The following CSTL1 variants were observed in gnomAD, a reference collection of about 807,000 sequenced individuals.
The protein encoded by CSTL1 is cystatin-like 1.
Under a neutral mutation model 14.4 loss-of-function variants are expected in CSTL1, and 14 were observed. The observed-to-expected ratio is 0.97, with a 90% CI of 0.64 to 1.52. CSTL1 has a LOEUF of 1.52. CSTL1 is among the 40% of genes most tolerant of loss of function. The probability of loss-of-function intolerance (pLI) is 0.00; values close to 1 mark genes in which losing one functional copy is unlikely to be tolerated. For synonymous variants in CSTL1, 72 were observed against 67.5 expected, an observed-to-expected ratio of 1.07 and a Z score of -0.33; for missense variants, 170 against 168.7, an observed-to-expected ratio of 1.01 and a Z score of -0.04.
At chr20:23,447,257 A>G (rs1438970563), downstream of CSTL1, among the ~76,000 whole-genome samples, 1 of 152,172 alleles carries the variant, frequency 6.6e-6, no homozygotes, top group Non-Finnish European at 1.5e-5. Context: ...TGGCTTCTTG[A>G]ATTCAATACA....
the CSTL1 span, chr20:23,459,016 G>T: frequency 1.3e-5 from 2 of 152,238 alleles, no homozygotes; most frequent in Admixed American, 1.3e-4. Flanking sequence ...GTCTTGGTAG[G>T]GGATTCCCCT....
downstream of CSTL1, among the ~76,000 whole-genome samples, chr20:23,449,000 C>A (rs769969768): frequency 6.6e-6 from 1 of 152,134 alleles, no homozygotes; most frequent in East Asian, 1.9e-4. Flanking sequence ...ACCTGGGCCC[C>A]GCTGAAACAG....
the CSTL1 span, among the ~76,000 whole-genome samples, chr20:23,450,026 C>G: frequency 1.3e-5 from 2 of 152,148 alleles, no homozygotes; most frequent in South Asian, 4.1e-4. Flanking sequence ...TTTCTTAGTT[C>G]TTTGGTGATT....
the CSTL1 span, among the ~76,000 whole-genome samples, chr20:23,453,875 CCCG>C: frequency 6.6e-6 from 1 of 152,036 alleles, no homozygotes. Context: ...CACATTCACA[CCCG>C]AACACACGGA....
downstream of CSTL1, chr20:23,444,996 A>C: frequency 1.4e-6 from 1 of 721,660 alleles, no homozygotes; most frequent in Non-Finnish European, 2.5e-6. Flanking sequence ...GTGTACACGT[A>C]CACACACTTG....
the CSTL1 span, chr20:23,450,312 C>T: frequency 2.2e-6 from 1 of 447,988 alleles, no homozygotes; most frequent in Non-Finnish European, 4.0e-6. Flanking sequence ...TTTGGACCCC[C>T]AAACTGCCCT....
intron 2 of CSTL1, among the ~76,000 whole-genome samples, chr20:23,443,567 G>A (rs951264322): frequency 6.6e-6 from 1 of 152,030 alleles, no homozygotes; most frequent in Non-Finnish European, 1.5e-5. Flanking sequence ...AGAAGGGACT[G>A]GGGGGGTGGG....
At chr20:23,443,641 TG>T (rs1986890208) in intron 2 of CSTL1, among the ~76,000 whole-genome samples, 1 of 152,152 alleles carries the variant, frequency 6.6e-6, no homozygotes, top group African/African-American at 2.4e-5. Context: ...TGGCCTGTGG[TG>T]GCCAGGCAAC....
At chr20:23,452,468 G>C in the CSTL1 span, 2 of 729,218 alleles carry the variant, frequency 2.7e-6, no homozygotes, top group Non-Finnish European at 2.5e-6. Context: ...CTCTTAAAGT[G>C]CTCACATCAA....
chr20:23,457,639 CTGTT>C, the CSTL1 span: 1 of 151,938 alleles, frequency 6.6e-6, no homozygotes. Context: ...GAATCTGTAA[CTGTT>C]TGTGATCAAT....
At chr20:23,442,077 T>C (rs1026579553) in intron 2 of CSTL1, among the ~76,000 whole-genome samples, 37 of 152,266 alleles carry the variant, frequency 2.4e-4, no homozygotes, top group Non-Finnish European at 4.4e-5. Flanking sequence ...AGGCTTGCCT[T>C]GTGAAATCAA....
the CSTL1 span, among the ~76,000 whole-genome samples, chr20:23,451,355 C>A: frequency 6.6e-6 from 1 of 152,190 alleles, no homozygotes; most frequent in Non-Finnish European, 1.5e-5. Flanking sequence ...CCTCACCCAC[C>A]AGTCAAATCA....
intron 2 of CSTL1, 113 bp from the exon 3 acceptor site, chr20:23,443,821 G>A (rs111414565): frequency 1.7e-5 from 12 of 725,636 alleles, no homozygotes; most frequent in South Asian, 5.5e-5. Context: ...GGTAAGCTCC[G>A]CGAACAAGAA....
downstream of CSTL1, among the ~76,000 whole-genome samples, chr20:23,447,553 G>A (rs578027341): frequency 1.3e-5 from 2 of 151,698 alleles, no homozygotes; most frequent in East Asian, 3.9e-4. Flanking sequence ...TGCCTCCCAG[G>A]TTCAAGTGAT....
the CSTL1 span, among the ~76,000 whole-genome samples, chr20:23,458,842 A>G: frequency 2.0e-5 from 3 of 152,268 alleles, no homozygotes; most frequent in East Asian, 5.8e-4. Flanking sequence ...GCTCTTAGCC[A>G]GAGACTCCTT....
intron 2 of CSTL1, among the ~76,000 whole-genome samples, chr20:23,441,854 T>C (rs1037035571): frequency 6.6e-6 from 1 of 152,130 alleles, no homozygotes; most frequent in Non-Finnish European, 1.5e-5. Context: ...CAACTGGCTA[T>C]GGGAAAGCTC....
At chr20:23,446,800 A>G (rs1600274151), downstream of CSTL1, among the ~76,000 whole-genome samples, 1 of 152,200 alleles carries the variant, frequency 6.6e-6, no homozygotes, top group East Asian at 1.9e-4. Flanking sequence ...CCCAGGCACC[A>G]GCGCCACCAG....
chr20:23,443,942 G>C lies in CSTL1; in HGVS notation c.228G>C (p.Thr76=), dbSNP rs149240631. The C allele has an allele frequency of 1.2e-6, 2 of 1,613,382 alleles. No homozygotes were observed. Among genetic ancestry groups the C allele is most frequent in the African/African-American group, 2.7e-5 (2 of 74,884 alleles). The stretch of plus-strand genomic sequence containing the variant: ...CAACTGATTCTCGGCAGCTGACGAC[G>C]GGAGTGGAGTATATAGTCACTGTGA... ...RLIRSQMQLT[T]GVEYIVTVKI... Residue 76 remains threonine, a synonymous_variant, in exon 3 of 4, where the codon ACG becomes ACC. Transcript: ENST00000347397.
the CSTL1 span, chr20:23,451,867 G>T: frequency 1.9e-6 from 3 of 1,614,032 alleles, no homozygotes; most frequent in African/African-American, 2.7e-5. Flanking sequence ...CTGGCTTTTG[G>T]CAGGTGGTCC....
Sources: gnomAD v4.1 joint callset for allele counts (sites outside exome capture counted in the v4.1 genomes callset) on GRCh38, gnomAD v4.1.1 for gene constraint, MANE v1.5 for transcripts, NCBI Gene and HGNC (gene_info 2026-07-23, HGNC 2026-07-21) for gene names.